TEDC1: variants seen among roughly 807,000 people sequenced by gnomAD.
The protein encoded by TEDC1 is tubulin epsilon and delta complex 1, also known as tubulin epsilon and delta complex protein 1.
TEDC1 carries 54 observed loss-of-function variants against 59.9 expected under a neutral mutation model. That is an observed-to-expected ratio of 0.90 (90% CI 0.72 to 1.13). TEDC1 has a LOEUF of 1.13. Among genes scored for constraint, TEDC1 ranks in the 50% most tolerant of loss-of-function variants. The pLI is 0.00. For synonymous variants in TEDC1, 353 were observed against 298.1 expected (o/e 1.18, Z -1.90); for missense variants, 734 against 683.4 (o/e 1.07, Z -0.83).
At chr14:105,490,997 G>C, upstream of TEDC1, 2 of 1,543,086 alleles carry the variant, frequency 1.3e-6, no homozygotes, top group Non-Finnish European at 1.8e-6. Flanking sequence ...CAGGAGCCCG[G>C]AAGTGGGTCC....
intron 6 of TEDC1, chr14:105,496,953 C>T (rs1595477934): frequency 3.8e-6 from 1 of 261,284 alleles, no homozygotes. Context: ...TCCCCGGATA[C>T]AGCCCGCATT....
intron 5 of TEDC1, 197 bp from the exon 6 acceptor site, chr14:105,495,683 G>A: frequency 1.7e-6 from 1 of 586,252 alleles, no homozygotes; most frequent in Non-Finnish European, 3.0e-6. Flanking sequence ...GCGAAGCCCA[G>A]GCTTCTGGCC....
intron 2 of TEDC1, 86 bp downstream of exon 2, chr14:105,491,786 C>A: frequency 7.0e-7 from 1 of 1,431,328 alleles, no homozygotes; most frequent in South Asian, 1.2e-5. Flanking sequence ...TAAGCCCCGC[C>A]CCGGCAGGCT....
In TEDC1 at chr14:105,493,726, C is replaced by T. The variant is rs587643452; in HGVS notation, c.586-109C>T. 130 of 751,264 alleles carry T rather than the reference C, an allele frequency of 1.7e-4. 1 individual carries two copies. The South Asian group carries it at 2.1e-3, about 12-fold the overall frequency. The allele number at this position is 751,264 out of a possible 1,614,324, so 46.5% of individuals were successfully genotyped here. ...TGGCTTTCTCTGAGCCCTCTTTCCT[C>T]ATCTGGGAGGTGGGCTCTGATGGCC... On this transcript the variant is annotated intron_variant, in intron 4 of 8. Transcript: ENST00000392523.
chr14:105,496,251 C>T (rs1451105612), intron 6 of TEDC1, 165 bp downstream of exon 6: 5 of 718,576 alleles, frequency 7.0e-6, no homozygotes, highest in Non-Finnish European at 4.5e-6. Flanking sequence ...TGTGTTGAAG[C>T]GGCCGTACCC....
intron 4 of TEDC1, among the ~76,000 whole-genome samples, chr14:105,493,332 G>A (rs1269291349): frequency 3.3e-5 from 5 of 152,024 alleles, no homozygotes; most frequent in African/African-American, 7.2e-5. Context: ...GCCTTTCCAG[G>A]GACCTCTCAC....
At chr14:105,496,958 C>T (rs1028743176) in intron 6 of TEDC1, 12 of 271,560 alleles carry the variant, frequency 4.4e-5, no homozygotes, top group Admixed American at 4.0e-4. Flanking sequence ...GGATACAGCC[C>T]GCATTCAGTG....
In TEDC1 at chr14:105,495,582, C is replaced by T. The variant is rs965110335; in HGVS notation, c.685-298C>T. 36 of 340,176 alleles carry T rather than the reference C, an allele frequency of 1.1e-4. No individual in the cohort carries two copies. In the Middle Eastern group the frequency reaches 2.5e-3, roughly 24 times the overall value. The allele number at this position is 340,176 out of a possible 1,614,324, so 21.1% of individuals were successfully genotyped here. ...GGCTGAAGCCGGGCTGGCGCCCACC[C>T]AGTCAGCCTGCACTGGCGTTGGCAG... On this transcript the variant is annotated intron_variant, in intron 5 of 8. Transcript: ENST00000392523.
At chr14:105,496,393 G>T in intron 6 of TEDC1, 1 of 384,974 alleles carries the variant, frequency 2.6e-6, no homozygotes, top group Non-Finnish European at 4.8e-6. Flanking sequence ...CCGCAGGCCT[G>T]CCTGCCTCTG....
At chr14:105,497,306 G>A in intron 6 of TEDC1, 51 bp from the exon 7 acceptor site, 1 of 1,517,026 alleles carries the variant, frequency 6.6e-7, no homozygotes, top group Non-Finnish European at 8.9e-7. Flanking sequence ...CCGACTGTCT[G>A]TCCATGGGGT....
intron 6 of TEDC1, chr14:105,497,075 C>G (rs116504404): frequency 1.9e-6 from 1 of 536,190 alleles, no homozygotes. Flanking sequence ...TCCTCAGAGC[C>G]GGGGGGCAGC....
chr14:105,495,907 C>A lies in TEDC1; in HGVS notation c.712C>A (p.Leu238Met). ...TTCTGGAGCGGGAGCTGCCCAAAAC[C>A]TGGACCTGGCCTACCCAAAGTGCCT... Reference protein sequence around the residue: ...QVSGAGAAQNLDLAYPKCLHS... With the variant: ...QVSGAGAAQNMDLAYPKCLHS... Residue 238 changes from leucine to methionine, a missense_variant, in exon 6 of 9, where the codon CTG becomes ATG. By Grantham distance (15) the Leu-to-Met change is conservative (BLOSUM62 2). Coordinates refer to ENST00000392523, the MANE Select transcript of TEDC1 (RefSeq NM_001367178.1). The A allele has an allele frequency of 6.5e-7, 1 of 1,550,246 alleles. No homozygotes were observed. The highest frequency in any genetic ancestry group is 8.7e-7 in the Non-Finnish European group (1 of 1,146,874).
upstream of TEDC1, chr14:105,490,946 A>C (rs888018509): frequency 3.1e-6 from 4 of 1,295,102 alleles, no homozygotes; most frequent in African/African-American, 5.9e-5. Context: ...TTGAGCCTGC[A>C]AGGGCGGACT....
Position 105,498,751 on chromosome 14 carries a change from C to T in TEDC1, c.1293C>T (p.His431=), listed in dbSNP as rs1438779746. ...DGGPAQPHGP[H]RLVRREDGAA... ...GCCCGGCCCAGCCCCATGGGCCACA[C>T]CGGCTGGTGAGACGAGAGGATGGGG... Residue 431 remains histidine (H), a synonymous_variant, in exon 9 of 9, where the codon CAC becomes CAT. Transcript: ENST00000392523. The T allele has an allele frequency of 5.1e-6, 8 of 1,559,830 alleles. No homozygotes were observed. Among genetic ancestry groups the T allele is most frequent in the Non-Finnish European group, 6.9e-6 (8 of 1,152,526 alleles).
intron 5 of TEDC1, 133 bp downstream of exon 5, chr14:105,494,066 G>T (rs1473129919): frequency 1.4e-6 from 1 of 707,368 alleles, no homozygotes; most frequent in Non-Finnish European, 2.4e-6. Context: ...CTGCATGTCT[G>T]CCACTGATCA....
At chr14:105,492,084 A>C (rs1193366587) in intron 2 of TEDC1, 23 bp from the exon 3 acceptor site, 1 of 1,569,642 alleles carries the variant, frequency 6.4e-7, no homozygotes, top group East Asian at 2.4e-5. Context: ...TGGTCCCCCT[A>C]AGGTGGTGGT....
At chr14:105,493,591 G>A (rs370797793) in intron 4 of TEDC1, among the ~76,000 whole-genome samples, 30 of 152,258 alleles carry the variant, frequency 2.0e-4, no homozygotes, top group Admixed American at 1.3e-3. Context: ...GAAGCTGGGC[G>A]GGGTGGGGAG....
intron 6 of TEDC1, chr14:105,496,713 GC>G (rs1477907770): frequency 6.3e-6 from 1 of 158,758 alleles, no homozygotes; most frequent in African/African-American, 2.4e-5. Context: ...GGCACTGTGG[GC>G]AGGTACCTTT....
At position 105,497,907 on chromosome 14, in the gene TEDC1, G is replaced by GGGAGCTGCAGGCACTGGAGGA; in HGVS notation, c.1097_1117dup (p.Gln366_Leu372dup). On this transcript the variant is annotated inframe_insertion, in exon 8 of 9. Coordinates refer to ENST00000392523, the MANE Select transcript of TEDC1 (RefSeq NM_001367178.1). ...GGTGGCGAGTTGGACCTGGTAGTGC[G>GGGAGCTGCAGGCACTGGAGGA]GGAGCTGCAGGCACTGGAGGAGGAG... 1 of 1,553,158 alleles carries GGGAGCTGCAGGCACTGGAGGA rather than the reference G, an allele frequency of 6.4e-7. No homozygotes were observed. The highest frequency in any genetic ancestry group is 8.7e-7 in the Non-Finnish European group (1 of 1,148,526).
Sources: allele counts gnomAD v4.1 joint callset (sites outside exome capture counted in the v4.1 genomes callset), GRCh38; gene constraint gnomAD v4.1.1; transcripts MANE v1.5; gene names NCBI Gene and HGNC (gene_info 2026-07-23, HGNC 2026-07-21).